DEPDC4: variants seen among roughly 807,000 people sequenced by gnomAD.
DEPDC4 encodes the protein DEP domain-containing protein 4.
Under a neutral mutation model 52.0 loss-of-function variants are expected in DEPDC4, and 52 were observed. The observed-to-expected ratio is 1.00, with a 90% CI of 0.80 to 1.26. The LOEUF is 1.26. DEPDC4 is among the 50% of genes most tolerant of loss of function. DEPDC4 has a pLI of 0.00. For missense variants in DEPDC4, 530 were observed against 546.9 expected (o/e 0.97, Z 0.31); for synonymous variants, 201 against 196.8 (o/e 1.02, Z -0.18).
In DEPDC4 at chr12:100,244,070, C is replaced by CCTCT. The variant is rs200666698; in HGVS notation, c.1454-1505_1454-1502dup. On this transcript the variant is annotated intron_variant, in intron 8 of 9. Transcript: ENST00000550587. ...TACTTAGCACAGGCAGAGGTGTCTC[C>CCTCT]CTCTCTCTCTCTCTCTCTCTCTGTG... 2.5e-4 allele frequency among the ~76,000 whole-genome samples: 21 copies of CCTCT among 84,172 alleles called. No individual in the cohort carries two copies. In the East Asian group the frequency reaches 4.6e-3, roughly 19 times the overall value. 55.2% of individuals were successfully genotyped at this position (84,172 alleles called of 152,430 possible). A position where few individuals can be genotyped will look rare whatever the true frequency, so the allele number is the denominator to read the frequency against.
In DEPDC4 at chr12:100,267,071, C is replaced by T; in HGVS notation, c.6G>A (p.Val2=). 6.2e-7 allele frequency: 1 copy of T among 1,612,876 alleles called. No homozygotes were observed. Among genetic ancestry groups the T allele is most frequent in the Non-Finnish European group, 8.5e-7 (1 of 1,179,406 alleles). The change falls in exon 1 of 10, where the codon GTG becomes GTA. Residue 2 remains valine (V), a synonymous_variant. Transcript: ENST00000550587. ...GCTCGCGCGCTGGCTCCTCCCCTGG[C>T]ACCATAGCCCCGCCCCACCTGACAC... is the stretch of plus-strand genomic sequence containing the variant. The part of the protein sequence containing the change: M[V]PGEEPARELM...
intron 3 of DEPDC4, among the ~76,000 whole-genome samples, chr12:100,258,966 G>A (rs897062924): frequency 1.3e-5 from 2 of 151,916 alleles, no homozygotes; most frequent in African/African-American, 4.8e-5. Flanking sequence ...AGCTACTTGG[G>A]AGGCTGAGGC....
the DEPDC4 span, among the ~76,000 whole-genome samples, chr12:100,274,364 G>A: frequency 7.2e-5 from 11 of 152,086 alleles, no homozygotes; most frequent in South Asian, 4.1e-4. Flanking sequence ...CTAAATTGTC[G>A]TATATTGTGA....
chr12:100,274,228 T>C, the DEPDC4 span, among the ~76,000 whole-genome samples: 1,846 of 152,342 alleles, frequency 0.012, 39 homozygotes, highest in African/African-American at 0.043. Flanking sequence ...ATCAGTGGTC[T>C]TCAAATATTT....
At chr12:100,281,310 T>A in the DEPDC4 span, among the ~76,000 whole-genome samples, 10 of 152,192 alleles carry the variant, frequency 6.6e-5, no homozygotes, top group African/African-American at 2.2e-4. Flanking sequence ...ATTACAAGCC[T>A]GAATGCTTCT....
intron 4 of DEPDC4, among the ~76,000 whole-genome samples, chr12:100,254,518 G>T (rs1296131213): frequency 6.6e-6 from 1 of 151,744 alleles, no homozygotes; most frequent in Non-Finnish European, 1.5e-5. Context: ...TAGAGACGGG[G>T]TTTTACTATG....
At chr12:100,266,807 G>A in intron 1 of DEPDC4, 113 bp downstream of exon 1, 1 of 1,378,024 alleles carries the variant, frequency 7.3e-7, no homozygotes, top group Admixed American at 2.3e-5. Flanking sequence ...AGGGGGCGGG[G>A]CTAGGAAATG....
Position 100,241,393 on chromosome 12 carries a change from A to G in DEPDC4, c.*499T>C, listed in dbSNP as rs2096157993. ...TTTAAGCATGATTAAATTAAAAGTA[A>G]TATTTTATAAAAATAAAATAATGGC... On this transcript the variant is annotated 3_prime_UTR_variant, in exon 10 of 10. Coordinates refer to ENST00000550587, the MANE Select transcript of DEPDC4 (RefSeq NM_001364818.2). Among the ~76,000 whole-genome samples, 1 of 152,136 alleles carries G rather than the reference A, an allele frequency of 6.6e-6. No homozygotes were observed.
chr12:100,258,890 G>A (rs1228220734), intron 3 of DEPDC4, among the ~76,000 whole-genome samples: 3 of 151,964 alleles, frequency 2.0e-5, no homozygotes, highest in Non-Finnish European at 2.9e-5. Flanking sequence ...GACCAACATG[G>A]TGAAACTGTG....
chr12:100,249,878 T>C (rs1444364818), intron 7 of DEPDC4, among the ~76,000 whole-genome samples: 1 of 152,084 alleles, frequency 6.6e-6, no homozygotes, highest in East Asian at 1.9e-4. Flanking sequence ...AAAGACAATT[T>C]AACAACAACA....
intron 3 of DEPDC4, among the ~76,000 whole-genome samples, chr12:100,259,245 G>C (rs998379918): frequency 6.6e-6 from 1 of 152,082 alleles, no homozygotes; most frequent in African/African-American, 2.4e-5. Flanking sequence ...CAGACACCAG[G>C]ATGACAACCA....
In DEPDC4 at chr12:100,241,043, C is replaced by T. The variant is rs1357546646; in HGVS notation, c.*849G>A. Reference sequence around the variant, plus strand: ...CACTCCAGCCTGGGACAGAGCAAGACTCCATTTCAAAAACAAAACAAAACA... The same window carrying T: ...CACTCCAGCCTGGGACAGAGCAAGATTCCATTTCAAAAACAAAACAAAACA... On this transcript the variant is annotated 3_prime_UTR_variant, in exon 10 of 10. Coordinates refer to ENST00000550587, the MANE Select transcript of DEPDC4 (RefSeq NM_001364818.2). Among the ~76,000 whole-genome samples, 3 of 152,100 alleles carry T rather than the reference C, an allele frequency of 2.0e-5. No individual in the cohort carries two copies. The highest frequency in any genetic ancestry group is 4.4e-5 in the Non-Finnish European group (3 of 68,012).
downstream of DEPDC4, among the ~76,000 whole-genome samples, chr12:100,235,351 GTTTT>G (rs60398537): frequency 3.8e-3 from 528 of 137,562 alleles, 5 homozygotes; most frequent in African/African-American, 0.013. Flanking sequence ...TTCTTTTAAG[GTTTT>G]TTTTTTTTTT....
At chr12:100,268,018 G>A (rs532607750), upstream of DEPDC4, among the ~76,000 whole-genome samples, 2 of 152,314 alleles carry the variant, frequency 1.3e-5, no homozygotes, top group African/African-American at 4.8e-5. Context: ...GGAGGGTTTA[G>A]ACCGATAAAG....
intron 4 of DEPDC4, among the ~76,000 whole-genome samples, chr12:100,255,180 T>A (rs2096227253): frequency 6.6e-6 from 1 of 152,226 alleles, no homozygotes; most frequent in Non-Finnish European, 1.5e-5. Flanking sequence ...CTGGAAGCTT[T>A]TTAAGGCAGA....
At chr12:100,267,166 G>A (rs1005525549), upstream of DEPDC4, 28 of 1,433,176 alleles carry the variant, frequency 2.0e-5, no homozygotes, top group East Asian at 3.5e-4. Flanking sequence ...CCCCCGGCCG[G>A]CAGGTCTTTT....
At chr12:100,238,423 G>A (rs1319989798), downstream of DEPDC4, among the ~76,000 whole-genome samples, 1 of 148,204 alleles carries the variant, frequency 6.7e-6, no homozygotes. Context: ...GCCTACCAAA[G>A]TGCTGGGATT....
intron 8 of DEPDC4, among the ~76,000 whole-genome samples, chr12:100,246,489 G>A (rs2153905797): frequency 6.6e-6 from 1 of 152,280 alleles, no homozygotes; most frequent in East Asian, 1.9e-4. Flanking sequence ...ATTGCAAGCA[G>A]GGGCATTATC....
intron 8 of DEPDC4, among the ~76,000 whole-genome samples, chr12:100,248,508 A>G (rs1012134468): frequency 5.3e-5 from 8 of 152,220 alleles, no homozygotes; most frequent in African/African-American, 1.9e-4. Context: ...CTACTCCTCT[A>G]TAAAATTTGA....
Sources: allele counts gnomAD v4.1 joint callset (sites outside exome capture counted in the v4.1 genomes callset), GRCh38; gene constraint gnomAD v4.1.1; transcripts MANE v1.5; gene names NCBI Gene and HGNC (gene_info 2026-07-23, HGNC 2026-07-21).